Variants in SNW1 observed in about 807,000 individuals in gnomAD.
SNW1 encodes SNW domain-containing protein 1.
Under a neutral mutation model 75.6 loss-of-function variants are expected in SNW1, and 9 were observed. The ratio of observed to expected loss-of-function variants is 0.12; its 90% CI spans 0.07 to 0.21. SNW1 has a LOEUF of 0.21. Among genes scored for constraint, SNW1 ranks in the 10% least tolerant of loss-of-function variants. The pLI is 1.00. For missense variants in SNW1, 409 were observed against 670.9 expected (o/e 0.61, Z 4.31); for synonymous variants, 200 against 219.1 (o/e 0.91, Z 0.77).
chr14:77,718,839 T>C (rs2080512971), intron 12 of SNW1, among the ~76,000 whole-genome samples: 1 of 152,128 alleles, frequency 6.6e-6, no homozygotes, highest in African/African-American at 2.4e-5. Flanking sequence ...GCCTCCCAGG[T>C]AGCTGGGATT....
At chr14:77,754,252 C>T (rs919561714) in intron 2 of SNW1, among the ~76,000 whole-genome samples, 6 of 151,922 alleles carry the variant, frequency 3.9e-5, no homozygotes, top group Non-Finnish European at 5.9e-5. Context: ...CCATGTTGGT[C>T]AGGCTGGTCT....
intron 3 of SNW1, among the ~76,000 whole-genome samples, chr14:77,742,290 C>T (rs1171307373): frequency 6.6e-6 from 1 of 152,112 alleles, no homozygotes; most frequent in East Asian, 1.9e-4. Context: ...CCCGCCTCGG[C>T]CTCCCAAAGT....
At chr14:77,736,564 A>G (rs2080674118) in intron 6 of SNW1, among the ~76,000 whole-genome samples, 1 of 152,064 alleles carries the variant, frequency 6.6e-6, no homozygotes, top group African/African-American at 2.4e-5. Flanking sequence ...ACAAAAACAA[A>G]AACAAAAACA....
intron 1 of SNW1, among the ~76,000 whole-genome samples, chr14:77,756,632 C>G (rs1028626633): frequency 6.6e-6 from 1 of 152,018 alleles, no homozygotes; most frequent in Non-Finnish European, 1.5e-5. Flanking sequence ...ACCTGTAATC[C>G]CAGCACTTTG....
chr14:77,726,527 T>C (rs1307887751), intron 10 of SNW1, among the ~76,000 whole-genome samples: 2 of 152,226 alleles, frequency 1.3e-5, no homozygotes, highest in African/African-American at 4.8e-5. Flanking sequence ...TGGTTAAGTT[T>C]ATTCCTAGGA....
chr14:77,749,477 AAAGAT>A (rs2080790375), intron 3 of SNW1, among the ~76,000 whole-genome samples: 1 of 152,334 alleles, frequency 6.6e-6, no homozygotes, highest in African/African-American at 2.4e-5. Flanking sequence ...CTATCTTTCA[AAAGAT>A]AAGAAAGGCC....
At chr14:77,726,347 T>G (rs1000275309) in intron 10 of SNW1, among the ~76,000 whole-genome samples, 1 of 152,210 alleles carries the variant, frequency 6.6e-6, no homozygotes, top group Non-Finnish European at 1.5e-5. Flanking sequence ...TAAAAAGAGA[T>G]AGGGTCTTAC....
chr14:77,739,367 C>T (rs532877838), intron 3 of SNW1, among the ~76,000 whole-genome samples: 24 of 152,272 alleles, frequency 1.6e-4, no homozygotes, highest in South Asian at 2.1e-4. Flanking sequence ...TTGAGGCCCA[C>T]TAAAACTTGA....
At chr14:77,719,649 AAAAC>A (rs35238991) in intron 12 of SNW1, among the ~76,000 whole-genome samples, 4 of 151,052 alleles carry the variant, frequency 2.6e-5, no homozygotes, top group Admixed American at 6.6e-5. Context: ...TCAGAAAACA[AAAAC>A]AAACAAAAAA....
In SNW1 at chr14:77,748,339, T is replaced by C. The variant is rs545210106; in HGVS notation, c.330+2980A>G. Among the ~76,000 whole-genome samples, 21 of 152,198 alleles carry C rather than the reference T, an allele frequency of 1.4e-4. 1 individual carries two copies. Among genetic ancestry groups the C allele is most frequent in the African/African-American group, 3.1e-4 (13 of 41,528 alleles). On this transcript the variant is annotated intron_variant, in intron 3 of 13. Coordinates refer to ENST00000261531, the MANE Select transcript of SNW1 (RefSeq NM_012245.3). Reference sequence around the variant, plus strand: ...TTGTTCACTTGTTTATCTGCTGACCTTCCCTCCACTATTGTCCTATGACCC... The same window carrying C: ...TTGTTCACTTGTTTATCTGCTGACCCTCCCTCCACTATTGTCCTATGACCC...
At chr14:77,723,481 C>G (rs947475387) in intron 10 of SNW1, among the ~76,000 whole-genome samples, 1 of 152,150 alleles carries the variant, frequency 6.6e-6, no homozygotes, top group Non-Finnish European at 1.5e-5. Context: ...TCCCGAGTAC[C>G]TGGGACCACA....
intron 2 of SNW1, among the ~76,000 whole-genome samples, chr14:77,753,565 T>A (rs1440738676): frequency 1.3e-5 from 2 of 152,102 alleles, no homozygotes; most frequent in African/African-American, 4.8e-5. Flanking sequence ...AGAGGAAAGC[T>A]GACAAAAAAG....
In SNW1 at chr14:77,738,797, C is replaced by A. The variant is rs2080694107; in HGVS notation, c.514G>T (p.Ala172Ser). The change falls in exon 5 of 14, where the codon GCT (alanine) becomes TCT (serine). Residue 172 changes from alanine to serine, a missense_variant. Around this residue, in one of 9 missense-constraint regions of SNW1, gnomAD observed 70 missense variants for 136.7 expected, o/e 0.51. Transcript: ENST00000261531. Reference sequence around the variant, plus strand: ...TCATACCGGATATACTGAGCAGGAGCCAATTTGTCAGCTGCTCGAACTGGC... The same window carrying A: ...TCATACCGGATATACTGAGCAGGAGACAATTTGTCAGCTGCTCGAACTGGC... ...AMPVRAADKL[A>S]PAQYIRYTPS... 1 of 1,613,796 alleles carries A rather than the reference C, an allele frequency of 6.2e-7. No individual in the cohort carries two copies. Among genetic ancestry groups the A allele is most frequent in the Non-Finnish European group, 8.5e-7 (1 of 1,179,732 alleles).
chr14:77,724,839 A>G (rs1182535070), intron 10 of SNW1, among the ~76,000 whole-genome samples: 1 of 152,166 alleles, frequency 6.6e-6, no homozygotes, highest in African/African-American at 2.4e-5. Context: ...TTGATTTGAT[A>G]TACTGATTTC....
intron 3 of SNW1, among the ~76,000 whole-genome samples, chr14:77,749,361 A>G (rs2080789567): frequency 6.6e-6 from 1 of 152,236 alleles, no homozygotes; most frequent in Non-Finnish European, 1.5e-5. Context: ...GTGAAAGGAA[A>G]GTGAAGAAAC....
At chr14:77,718,652 C>A in intron 12 of SNW1, 122 bp from the exon 13 acceptor site, 4 of 584,828 alleles carry the variant, frequency 6.8e-6, no homozygotes, top group Non-Finnish European at 1.2e-5. Flanking sequence ...ATCTGAACTG[C>A]AAATTAAAAA....
At chr14:77,757,092 T>C (rs1466864721) in intron 1 of SNW1, among the ~76,000 whole-genome samples, 1 of 152,202 alleles carries the variant, frequency 6.6e-6, no homozygotes, top group Non-Finnish European at 1.5e-5. Flanking sequence ...CCTTTGTGAT[T>C]CTTGGATAGT....
chr14:77,729,977 C>G (rs116782942), intron 10 of SNW1, among the ~76,000 whole-genome samples: 1 of 152,282 alleles, frequency 6.6e-6, no homozygotes, highest in East Asian at 1.9e-4. Flanking sequence ...GACACCTCAT[C>G]TCCTACTTAT....
chr14:77,728,622 T>C (rs915076782), intron 10 of SNW1, among the ~76,000 whole-genome samples: 5 of 152,232 alleles, frequency 3.3e-5, no homozygotes, highest in African/African-American at 1.2e-4. Context: ...CATTTTTTTC[T>C]ACCCTCGCCA....
Sources: gnomAD v4.1 joint callset for allele counts (sites outside exome capture counted in the v4.1 genomes callset) on GRCh38, gnomAD v4.1.1 for gene constraint, gnomAD v4.1.1 regional missense constraint, MANE v1.5 for transcripts, NCBI Gene and HGNC (gene_info 2026-07-23, HGNC 2026-07-21) for gene names.